The following TAOK3 variants were observed in gnomAD, a reference collection of about 807,000 sequenced individuals.
TAOK3 encodes serine/threonine-protein kinase TAO3.
Under a neutral mutation model 120.4 loss-of-function variants are expected in TAOK3, and 40 were observed. That is an observed-to-expected ratio of 0.33 (90% CI 0.26 to 0.43). TAOK3 has a LOEUF of 0.43. TAOK3 is among the 20% of genes least tolerant of loss of function. The probability of loss-of-function intolerance (pLI) is 1.00; values close to 1 mark genes in which losing one functional copy is unlikely to be tolerated. For missense variants in TAOK3, 821 were observed against 1,112.1 expected, an observed-to-expected ratio of 0.74 and a Z score of 3.72; for synonymous variants, 355 against 387.5, an observed-to-expected ratio of 0.92 and a Z score of 0.99.
Position 118,212,915 on chromosome 12 carries a change from C to T in TAOK3, c.818G>A (p.Arg273Lys). The T allele has an allele frequency of 1.9e-6, 3 of 1,605,874 alleles. No individual in the cohort carries two copies. The highest frequency in any genetic ancestry group is 2.6e-6 in the Non-Finnish European group (3 of 1,175,440). ...TCAAATATAAATTTGAAAAATTACC[C>T]TTAATAGTTCTGCTGATGTTGGCCT... ...QERPTSAELL[R>K]HDFVRRDRPL... The change falls in exon 11 of 21, where the codon AGG (arginine) becomes AAG (lysine). Residue 273 changes from arginine to lysine, a missense_variant and splice_region_variant. Transcript: ENST00000392533.
intron 1 of TAOK3, among the ~76,000 whole-genome samples, chr12:118,272,472 T>A (rs1421012054): frequency 6.6e-6 from 1 of 152,154 alleles, no homozygotes; most frequent in Non-Finnish European, 1.5e-5. Flanking sequence ...AATGTTTTTC[T>A]CTGGCAGCAC....
chr12:118,181,773 ACTCTTTATGTATTTTATC>A (rs1291231319), intron 14 of TAOK3, among the ~76,000 whole-genome samples, 166 bp from the exon 15 acceptor site: 2 of 152,056 alleles, frequency 1.3e-5, no homozygotes, highest in African/African-American at 4.8e-5. Flanking sequence ...CTAGATAGAT[ACTCTTTATGTATTTTATC>A]CCTAGTCCTC....
intron 9 of TAOK3, among the ~76,000 whole-genome samples, chr12:118,225,946 A>G (rs2039481672): frequency 6.6e-6 from 1 of 152,214 alleles, no homozygotes. Context: ...AGTGTTAAAG[A>G]GATGTTAAAA....
chr12:118,353,404 T>G (rs2045257847), intron 1 of TAOK3, among the ~76,000 whole-genome samples: 1 of 152,038 alleles, frequency 6.6e-6, no homozygotes, highest in Admixed American at 6.6e-5. Flanking sequence ...AGAGACCGAC[T>G]TCAATAGAAC....
chr12:118,239,106 C>T, intron 6 of TAOK3, 121 bp downstream of exon 6: 9 of 692,146 alleles, frequency 1.3e-5, no homozygotes, highest in Non-Finnish European at 2.3e-5. Flanking sequence ...GGCTTATCCA[C>T]ACCACCCTAA....
chr12:118,157,464 C>T (rs2138305046), intron 19 of TAOK3, among the ~76,000 whole-genome samples: 1 of 152,312 alleles, frequency 6.6e-6, no homozygotes, highest in East Asian at 1.9e-4. Context: ...TTCCCTACAT[C>T]CCAAACATAA....
intron 14 of TAOK3, among the ~76,000 whole-genome samples, chr12:118,183,800 C>T (rs1156265029): frequency 6.6e-6 from 1 of 152,120 alleles, no homozygotes; most frequent in African/African-American, 2.4e-5. Context: ...CTTATTTTAG[C>T]ATTCCTTCTT....
Position 118,266,703 on chromosome 12 carries a change from G to A in TAOK3, c.-137C>T, listed in dbSNP as rs1308571841. ...TTCCATATTGCTCAGATTCATTTTA[G>A]CAGCAAACTTCTCTTTTCTCTTTTA... On this transcript the variant is annotated 5_prime_UTR_variant, in exon 2 of 21. Transcript: ENST00000392533. 1 of 397,750 alleles carries A rather than the reference G, an allele frequency of 2.5e-6. No homozygotes were observed. The highest frequency in any genetic ancestry group is 2.1e-5 in the African/African-American group (1 of 48,572). 24.6% of individuals were successfully genotyped at this position (397,750 alleles called of 1,614,324 possible).
chr12:118,183,587 A>C (rs2036898487), intron 14 of TAOK3, among the ~76,000 whole-genome samples: 6 of 152,198 alleles, frequency 3.9e-5, no homozygotes, highest in Admixed American at 3.3e-4. Context: ...GAGGAAAAGA[A>C]GTAGTTTGAA....
At chr12:118,262,245 T>A (rs917107136) in intron 2 of TAOK3, among the ~76,000 whole-genome samples, 6 of 151,510 alleles carry the variant, frequency 4.0e-5, no homozygotes, top group African/African-American at 1.5e-4. Context: ...GCACTTTGGG[T>A]GGCCGAGGCA....
intron 9 of TAOK3, among the ~76,000 whole-genome samples, chr12:118,219,917 T>C (rs2039145601): frequency 6.6e-6 from 1 of 150,824 alleles, no homozygotes; most frequent in South Asian, 2.1e-4. Flanking sequence ...CCTGGCTTAT[T>C]TGCATAATTA....
intron 1 of TAOK3, among the ~76,000 whole-genome samples, chr12:118,352,474 T>A (rs1356873165): frequency 6.7e-6 from 1 of 150,004 alleles, no homozygotes; most frequent in Non-Finnish European, 1.5e-5. Flanking sequence ...CACTGCACTC[T>A]AGCCTGGGCG....
chr12:118,301,924 T>C (rs2042897197), intron 1 of TAOK3, among the ~76,000 whole-genome samples: 1 of 151,968 alleles, frequency 6.6e-6, no homozygotes, highest in African/African-American at 2.4e-5. Flanking sequence ...CTGGGGGTTA[T>C]ATTATGACCA....
At chr12:118,336,480 A>G (rs1017014379) in intron 1 of TAOK3, among the ~76,000 whole-genome samples, 2 of 152,198 alleles carry the variant, frequency 1.3e-5, no homozygotes, top group Non-Finnish European at 2.9e-5. Context: ...AAATGTAAAC[A>G]TAAAACTATA....
At chr12:118,242,539 C>A (rs993081511) in intron 5 of TAOK3, among the ~76,000 whole-genome samples, 1 of 152,070 alleles carries the variant, frequency 6.6e-6, no homozygotes, top group Admixed American at 6.6e-5. Context: ...AATGTGCCAA[C>A]CTAAAACCAG....
At chr12:118,172,976 T>C (rs989235549) in intron 16 of TAOK3, among the ~76,000 whole-genome samples, 1 of 151,910 alleles carries the variant, frequency 6.6e-6, no homozygotes, top group African/African-American at 2.4e-5. Flanking sequence ...CAAAGGTGAG[T>C]AAAAGGCCAT....
chr12:118,213,094 G>T (rs1227211361), intron 10 of TAOK3, 99 bp from the exon 11 acceptor site: 4 of 668,104 alleles, frequency 6.0e-6, no homozygotes, highest in South Asian at 3.7e-5. Flanking sequence ...TTGCATTTAA[G>T]GAGATTTTAA....
intron 2 of TAOK3, among the ~76,000 whole-genome samples, chr12:118,261,869 T>C (rs1195765803): frequency 6.6e-6 from 1 of 151,404 alleles, no homozygotes; most frequent in Admixed American, 6.6e-5. Context: ...TTCTTTTTTT[T>C]TTGAGACACA....
intron 1 of TAOK3, among the ~76,000 whole-genome samples, chr12:118,355,009 G>A (rs988628684): frequency 2.0e-4 from 30 of 151,948 alleles, no homozygotes; most frequent in Non-Finnish European, 4.0e-4. Context: ...AGGCTGTGGT[G>A]AGCTATGATC....
Sources: gnomAD v4.1 joint callset for allele counts (sites outside exome capture counted in the v4.1 genomes callset) on GRCh38, gnomAD v4.1.1 for gene constraint, MANE v1.5 for transcripts, NCBI Gene and HGNC (gene_info 2026-07-23, HGNC 2026-07-21) for gene names.